The following SORCS3 variants were observed in gnomAD, a reference collection of about 807,000 sequenced individuals.
The protein encoded by SORCS3 is VPS10 domain-containing receptor SorCS3.
A neutral mutation model predicts 146.3 loss-of-function variants in SORCS3; 57 were observed. The ratio of observed to expected loss-of-function variants is 0.39; its 90% CI spans 0.31 to 0.49. The LOEUF is 0.49. Among genes scored for constraint, SORCS3 ranks in the 20% least tolerant of loss-of-function variants. The probability of loss-of-function intolerance (pLI) is 0.92; values close to 1 mark genes in which losing one functional copy is unlikely to be tolerated. For missense variants in SORCS3, 1,341 were observed against 1,575.5 expected (o/e 0.85, Z 2.52); for synonymous variants, 653 against 618.5 (o/e 1.06, Z -0.83).
chr10:105,178,220 T>G (rs1317329102), intron 14 of SORCS3, 47 bp downstream of exon 14: 1 of 1,469,110 alleles, frequency 6.8e-7, no homozygotes, highest in Non-Finnish European at 9.4e-7. Context: ...GAGACACTGG[T>G]TCTACTTTCA....
At chr10:105,030,285 G>A (rs2055256815) in intron 4 of SORCS3, among the ~76,000 whole-genome samples, 2 of 152,176 alleles carry the variant, frequency 1.3e-5, no homozygotes. Flanking sequence ...GGTTGAGTAG[G>A]CAGTTCTGCT....
chr10:105,039,881 G>A (rs1161067877), intron 4 of SORCS3, among the ~76,000 whole-genome samples: 2 of 152,114 alleles, frequency 1.3e-5, no homozygotes, highest in East Asian at 3.9e-4. Flanking sequence ...TCTGAGGATG[G>A]AGACTCTAAC....
At chr10:105,100,609 C>A (rs979521194) in intron 6 of SORCS3, among the ~76,000 whole-genome samples, 2 of 152,298 alleles carry the variant, frequency 1.3e-5, no homozygotes, top group African/African-American at 4.8e-5. Context: ...CTTGATTTGT[C>A]CAGCCCATAT....
chr10:104,695,306 G>C (rs2016161133), intron 1 of SORCS3, among the ~76,000 whole-genome samples: 1 of 151,914 alleles, frequency 6.6e-6, no homozygotes, highest in Admixed American at 6.6e-5. Context: ...GGGTGTGTGT[G>C]TGTCCCTAAG....
At chr10:104,718,292 A>C (rs1408689489) in intron 1 of SORCS3, among the ~76,000 whole-genome samples, 13 of 152,146 alleles carry the variant, frequency 8.5e-5, no homozygotes. Flanking sequence ...GGCAGAAGGT[A>C]GAAAGGCAGG....
At chr10:104,887,035 C>A (rs961373296) in intron 2 of SORCS3, among the ~76,000 whole-genome samples, 1 of 152,122 alleles carries the variant, frequency 6.6e-6, no homozygotes, top group African/African-American at 2.4e-5. Context: ...GAATATCTTG[C>A]TAAAGTATAG....
intron 7 of SORCS3, among the ~76,000 whole-genome samples, chr10:105,120,757 T>C (rs990941587): frequency 6.6e-6 from 1 of 152,236 alleles, no homozygotes; most frequent in Non-Finnish European, 1.5e-5. Context: ...TTTGCCTTTA[T>C]AATAAAATAT....
In SORCS3 at chr10:105,223,341, G is replaced by A. The variant is rs551927457; in HGVS notation, c.2868+92G>A. On this transcript the variant is annotated intron_variant, in intron 20 of 26. Coordinates refer to ENST00000369701, the MANE Select transcript of SORCS3 (RefSeq NM_014978.3). The stretch of plus-strand genomic sequence containing the variant: ...GTGTCTATTAGGGGGCACTGAGAAT[G>A]CAGGCAATAAGAGGTACTTAATAAA... 4.1e-5 allele frequency: 54 copies of A among 1,307,640 alleles called. No individual in the cohort carries two copies. In the South Asian group the frequency reaches 9.7e-4, roughly 23 times the overall value. The allele number at this position is 1,307,640 out of a possible 1,614,324, so 81.0% of individuals were successfully genotyped here. A position where few individuals can be genotyped will look rare whatever the true frequency, so the allele number is the denominator to read the frequency against.
At chr10:105,196,154 C>T (rs145293231) in intron 14 of SORCS3, among the ~76,000 whole-genome samples, 174 of 152,302 alleles carry the variant, frequency 1.1e-3, no homozygotes, top group Non-Finnish European at 2.1e-3. Context: ...GAAAGACCAA[C>T]AACATGGACA....
At chr10:104,719,474 T>G (rs1312308361) in intron 1 of SORCS3, among the ~76,000 whole-genome samples, 2 of 152,214 alleles carry the variant, frequency 1.3e-5, no homozygotes, top group Non-Finnish European at 2.9e-5. Flanking sequence ...ACTTCTGTAT[T>G]CATCTGAAAG....
At position 104,752,235 on chromosome 10, in the gene SORCS3, C is replaced by T. The variant is rs531345243; in HGVS notation, c.628-90557C>T. ...ATTTTTAGTAGAGATGGGGTTTCACCACGTTGGCCAGGCTGGTCTTGAACT... is the reference window on the plus strand; with the variant it reads ...ATTTTTAGTAGAGATGGGGTTTCACTACGTTGGCCAGGCTGGTCTTGAACT... On this transcript the variant is annotated intron_variant, in intron 1 of 26. Transcript: ENST00000369701. Among the ~76,000 whole-genome samples, 67 of 151,820 alleles carry T rather than the reference C, an allele frequency of 4.4e-4. 1 individual carries two copies. The South Asian group carries it at 0.014, about 31-fold the overall frequency.
At chr10:105,093,314 A>C (rs2055723181) in intron 6 of SORCS3, among the ~76,000 whole-genome samples, 1 of 152,196 alleles carries the variant, frequency 6.6e-6, no homozygotes, top group South Asian at 2.1e-4. Flanking sequence ...GATTTATAAA[A>C]CTTTTAAAAG....
intron 2 of SORCS3, among the ~76,000 whole-genome samples, chr10:104,890,534 G>T (rs2018739553): frequency 6.6e-6 from 1 of 151,882 alleles, no homozygotes; most frequent in African/African-American, 2.4e-5. Context: ...CTGAAAGTTT[G>T]ATTTGTGTCT....
intron 1 of SORCS3, among the ~76,000 whole-genome samples, chr10:104,744,310 G>C (rs1399234301): frequency 6.6e-6 from 1 of 152,176 alleles, no homozygotes; most frequent in Non-Finnish European, 1.5e-5. Flanking sequence ...GGTGCTCTGG[G>C]AACTTTTGAC....
intron 3 of SORCS3, among the ~76,000 whole-genome samples, chr10:104,941,376 A>G (rs1341725997): frequency 6.6e-6 from 1 of 152,216 alleles, no homozygotes; most frequent in Admixed American, 6.5e-5. Context: ...TCTTGATTTT[A>G]TAATATAAGG....
chr10:104,642,022 G>GGGGGGGGGGCGCCCCCC, intron 1 of SORCS3, 68 bp downstream of exon 1: 2 of 173,336 alleles, frequency 1.2e-5, no homozygotes, highest in Non-Finnish European at 2.2e-5. Context: ...GGGTGGGTGG[G>GGGGGGGGGGCGCCCCCC]AGCGAGGGAC....
intron 20 of SORCS3, among the ~76,000 whole-genome samples, chr10:105,242,308 A>G (rs1463332387): frequency 3.8e-5 from 5 of 132,474 alleles, no homozygotes; most frequent in Non-Finnish European, 6.2e-5. Context: ...TTATACATAT[A>G]TTTATATATA....
At chr10:104,926,545 A>C (rs2019149126) in intron 3 of SORCS3, among the ~76,000 whole-genome samples, 1 of 152,236 alleles carries the variant, frequency 6.6e-6, no homozygotes, top group Non-Finnish European at 1.5e-5. Context: ...CTTGCACCCC[A>C]AAAGGGAAAG....
At chr10:104,716,668 A>C (rs2016483402) in intron 1 of SORCS3, among the ~76,000 whole-genome samples, 1 of 152,190 alleles carries the variant, frequency 6.6e-6, no homozygotes, top group Admixed American at 6.5e-5. Context: ...GTCAGCAGGC[A>C]GTTCTTTTGG....
Sources: gnomAD v4.1 joint callset for allele counts (sites outside exome capture counted in the v4.1 genomes callset) on GRCh38, gnomAD v4.1.1 for gene constraint, MANE v1.5 for transcripts, NCBI Gene and HGNC (gene_info 2026-07-23, HGNC 2026-07-21) for gene names.